SLCO6A1: variants seen among roughly 807,000 people sequenced by gnomAD.
The protein encoded by SLCO6A1 is solute carrier organic anion transporter family member 6A1.
Under a neutral mutation model 72.7 loss-of-function variants are expected in SLCO6A1, and 65 were observed. The ratio of observed to expected loss-of-function variants is 0.89; its 90% CI spans 0.73 to 1.10. The LOEUF is 1.10. Among genes scored for constraint, SLCO6A1 ranks in the 50% least tolerant of loss-of-function variants. The pLI, the probability that SLCO6A1 is intolerant of heterozygous loss-of-function variation, is 0.00. For missense variants in SLCO6A1, 874 were observed against 872.6 expected, an observed-to-expected ratio of 1.00 and a Z score of -0.02; for synonymous variants, 314 against 298.2, an observed-to-expected ratio of 1.05 and a Z score of -0.55.
intron 11 of SLCO6A1, among the ~76,000 whole-genome samples, chr5:102,389,639 C>T (rs1178979560): frequency 5.5e-5 from 8 of 144,938 alleles, no homozygotes; most frequent in Admixed American, 5.5e-4. Flanking sequence ...TTTTTAATTA[C>T]TCAAGTTTAA....
At chr5:102,410,107 C>G in intron 9 of SLCO6A1, among the ~76,000 whole-genome samples, 1 of 152,140 alleles carries the variant, frequency 6.6e-6, no homozygotes, top group East Asian at 1.9e-4. Context: ...GGAAGGTTAA[C>G]AAGAAGGAGA....
chr5:102,448,370 A>G (rs1029952640), intron 6 of SLCO6A1, among the ~76,000 whole-genome samples: 1 of 152,214 alleles, frequency 6.6e-6, no homozygotes, highest in African/African-American at 2.4e-5. Flanking sequence ...GGAGTGTTCC[A>G]TAGATGACTG....
At chr5:102,443,052 C>T (rs1749928936) in intron 6 of SLCO6A1, among the ~76,000 whole-genome samples, 1 of 152,116 alleles carries the variant, frequency 6.6e-6, no homozygotes, top group South Asian at 2.1e-4. Flanking sequence ...AAAAAATTAG[C>T]CGGGCGTAGT....
intron 6 of SLCO6A1, among the ~76,000 whole-genome samples, chr5:102,446,901 C>T (rs1750140613): frequency 6.6e-6 from 1 of 151,956 alleles, no homozygotes; most frequent in South Asian, 2.1e-4. Flanking sequence ...ATTACAGGCA[C>T]CCACCACTAT....
chr5:102,396,468 C>T (rs1429395266), intron 10 of SLCO6A1, among the ~76,000 whole-genome samples: 1 of 152,144 alleles, frequency 6.6e-6, no homozygotes, highest in Non-Finnish European at 1.5e-5. Flanking sequence ...TGTTATTTTT[C>T]CATAAGAACT....
intron 12 of SLCO6A1, among the ~76,000 whole-genome samples, chr5:102,379,006 C>T (rs1287572145): frequency 6.6e-6 from 1 of 152,126 alleles, no homozygotes; most frequent in African/African-American, 2.4e-5. Flanking sequence ...GTCTCGAACA[C>T]ATGACCTCAG....
chr5:102,427,652 C>T (rs1748966754), intron 7 of SLCO6A1, among the ~76,000 whole-genome samples: 2 of 151,348 alleles, frequency 1.3e-5, no homozygotes, highest in South Asian at 4.2e-4. Flanking sequence ...TGAATGAGAT[C>T]CTGGGACAGA....
At chr5:102,373,536 TAGA>T (rs1745603642) in intron 12 of SLCO6A1, 42 bp from the exon 13 acceptor site, 1 of 1,337,710 alleles carries the variant, frequency 7.5e-7, no homozygotes, top group African/African-American at 1.5e-5. Context: ...TCCATGTATT[TAGA>T]ACAAAAATGT....
At chr5:102,443,161 C>T (rs1286858256) in intron 6 of SLCO6A1, among the ~76,000 whole-genome samples, 3 of 152,068 alleles carry the variant, frequency 2.0e-5, no homozygotes, top group Non-Finnish European at 4.4e-5. Flanking sequence ...GGCACCACTG[C>T]ACTCCAAGCC....
At chr5:102,385,826 C>CTTTTTTTTTTTTTTTTTTTTTTTTTTT (rs57983218) in intron 12 of SLCO6A1, among the ~76,000 whole-genome samples, 1 of 121,216 alleles carries the variant, frequency 8.2e-6, no homozygotes. Context: ...CCTGTTTTTC[C>CTTTTTTTTTTTTTTTTTTTTTTTTTTT]TTTTTTTTTT....
chr5:102,389,962 A>G (rs1030155054), intron 11 of SLCO6A1, among the ~76,000 whole-genome samples: 1 of 152,014 alleles, frequency 6.6e-6, no homozygotes, highest in Non-Finnish European at 1.5e-5. Context: ...CTGGTCTCCA[A>G]CTCCTGGCCT....
intron 8 of SLCO6A1, among the ~76,000 whole-genome samples, 168 bp downstream of exon 8, chr5:102,419,658 G>GTATTATATTGTATATAT (rs200816526): frequency 0.023 from 3,555 of 152,162 alleles, 136 homozygotes; most frequent in African/African-American, 0.081. Flanking sequence ...TATAATATTT[G>GTATTATATTGTATATAT]TGCCTTACTA....
intron 11 of SLCO6A1, 150 bp from the exon 12 acceptor site, chr5:102,388,975 G>T: frequency 1.4e-6 from 1 of 723,414 alleles, no homozygotes; most frequent in Non-Finnish European, 2.1e-6. Context: ...AAATAGGATT[G>T]TTAATCACTG....
chr5:102,460,691 GA>G (rs1750980090), intron 4 of SLCO6A1, among the ~76,000 whole-genome samples: 1 of 151,858 alleles, frequency 6.6e-6, no homozygotes, highest in Non-Finnish European at 1.5e-5. Flanking sequence ...CATAGTTTTG[GA>G]AGTGCTGGTT....
intron 1 of SLCO6A1, 151 bp downstream of exon 1, chr5:102,498,336 C>T (rs1170167616): frequency 5.8e-6 from 4 of 685,594 alleles, no homozygotes; most frequent in Non-Finnish European, 9.8e-6. Flanking sequence ...GATCCGACAA[C>T]GCCTTGAGAA....
chr5:102,496,588 A>C (rs1219153484), intron 1 of SLCO6A1, among the ~76,000 whole-genome samples: 1 of 152,208 alleles, frequency 6.6e-6, no homozygotes, highest in Non-Finnish European at 1.5e-5. Flanking sequence ...CTCATGACCC[A>C]ACATAGTGGG....
At chr5:102,435,347 T>C (rs986524975) in intron 7 of SLCO6A1, among the ~76,000 whole-genome samples, 3 of 152,120 alleles carry the variant, frequency 2.0e-5, no homozygotes, top group Admixed American at 1.3e-4. Context: ...TCTAAATATA[T>C]AATTAGTATT....
chr5:102,438,489 T>G, intron 7 of SLCO6A1, 128 bp downstream of exon 7: 1 of 723,012 alleles, frequency 1.4e-6, no homozygotes. Flanking sequence ...TGCTCATATT[T>G]GTAAAATCTG....
rs150289415 is a variant in SLCO6A1 at position 102,483,297 on chromosome 5, G to T, written c.359-2863C>A. 1.9e-3 allele frequency among the ~76,000 whole-genome samples: 283 copies of T among 152,252 alleles called. 1 individual carries two copies. The highest frequency in any genetic ancestry group is 3.2e-3 in the Non-Finnish European group (216 of 68,002). On this transcript the variant is annotated intron_variant, in intron 1 of 13. Transcript: ENST00000506729. Reference sequence around the variant, plus strand: ...CAATGTTTGGCAATATGGACAATCAGATGTACTGCTCAATGTTCTTTCCAC... The same window carrying T: ...CAATGTTTGGCAATATGGACAATCATATGTACTGCTCAATGTTCTTTCCAC...
Sources: gnomAD v4.1 joint callset for allele counts (sites outside exome capture counted in the v4.1 genomes callset) on GRCh38, gnomAD v4.1.1 for gene constraint, MANE v1.5 for transcripts, NCBI Gene and HGNC (gene_info 2026-07-23, HGNC 2026-07-21) for gene names.